The following MMP16 variants were observed in gnomAD, a reference collection of about 807,000 sequenced individuals.
The protein encoded by MMP16 is matrix metalloproteinase-16.
MMP16 carries 12 observed loss-of-function variants against 67.8 expected under a neutral mutation model. That is an observed-to-expected ratio of 0.18 (90% CI 0.11 to 0.29). MMP16 has a LOEUF of 0.29. Among genes scored for constraint, MMP16 ranks in the 10% least tolerant of loss-of-function variants. The pLI is 1.00. For missense variants in MMP16, 475 were observed against 765.7 expected (o/e 0.62, Z 4.48); for synonymous variants, 249 against 255.9 (o/e 0.97, Z 0.26).
chr8:88,179,501 CAT>C (rs1452316770), intron 3 of MMP16, among the ~76,000 whole-genome samples: 3 of 150,712 alleles, frequency 2.0e-5, no homozygotes, highest in African/African-American at 7.3e-5. Flanking sequence ...ATCAGAAATG[CAT>C]ATCTCTTTAA....
At chr8:88,060,156 G>T (rs150195724) in intron 7 of MMP16, among the ~76,000 whole-genome samples, 3 of 152,084 alleles carry the variant, frequency 2.0e-5, no homozygotes, top group African/African-American at 7.2e-5. Flanking sequence ...AACTGAATGA[G>T]ACTGTTCAAC....
At chr8:88,257,199 C>T (rs983375754) in intron 1 of MMP16, among the ~76,000 whole-genome samples, 6 of 152,134 alleles carry the variant, frequency 3.9e-5, no homozygotes, top group African/African-American at 1.4e-4. Flanking sequence ...CCTTAAGGAC[C>T]TACATCCATT....
intron 1 of MMP16, among the ~76,000 whole-genome samples, chr8:88,199,913 T>A (rs1472702582): frequency 6.6e-6 from 1 of 152,014 alleles, no homozygotes; most frequent in African/African-American, 2.4e-5. Flanking sequence ...TGTTCTCAAA[T>A]GCACATTATG....
intron 1 of MMP16, among the ~76,000 whole-genome samples, chr8:88,259,839 C>T (rs559372364): frequency 9.2e-5 from 14 of 152,280 alleles, no homozygotes; most frequent in East Asian, 3.9e-4. Flanking sequence ...CCCTGCCTCA[C>T]GCATCAATGT....
At chr8:88,228,004 A>G (rs1377956081) in intron 1 of MMP16, among the ~76,000 whole-genome samples, 2 of 152,108 alleles carry the variant, frequency 1.3e-5, no homozygotes, top group African/African-American at 4.8e-5. Context: ...AATTCCTAGA[A>G]GAAATACAAA....
At chr8:88,249,628 C>T (rs1056394957) in intron 1 of MMP16, among the ~76,000 whole-genome samples, 4 of 152,052 alleles carry the variant, frequency 2.6e-5, no homozygotes, top group African/African-American at 9.7e-5. Context: ...CTGAGAATGC[C>T]CTTCACCTGG....
At chr8:88,279,310 G>A (rs571708947) in intron 1 of MMP16, among the ~76,000 whole-genome samples, 18 of 151,300 alleles carry the variant, frequency 1.2e-4, no homozygotes, top group South Asian at 4.2e-4. Flanking sequence ...TAATATATCC[G>A]CCATATTGCA....
intron 1 of MMP16, among the ~76,000 whole-genome samples, chr8:88,259,875 T>G (rs1345155109): frequency 6.6e-6 from 1 of 152,202 alleles, no homozygotes; most frequent in African/African-American, 2.4e-5. Flanking sequence ...GAATCTGACT[T>G]GAAGATGGAT....
At chr8:88,178,877 T>A (rs916758491) in intron 3 of MMP16, among the ~76,000 whole-genome samples, 1 of 152,094 alleles carries the variant, frequency 6.6e-6, no homozygotes, top group African/African-American at 2.4e-5. Context: ...TAGGACAATA[T>A]ATTGTATCTA....
intron 1 of MMP16, among the ~76,000 whole-genome samples, chr8:88,222,683 C>CA (rs1268004962): frequency 6.6e-6 from 1 of 152,104 alleles, no homozygotes; most frequent in Non-Finnish European, 1.5e-5. Context: ...ACACCTTATA[C>CA]AAAAATTAAT....
At chr8:88,079,409 C>G (rs920363764) in intron 6 of MMP16, among the ~76,000 whole-genome samples, 3 of 152,042 alleles carry the variant, frequency 2.0e-5, no homozygotes, top group African/African-American at 4.8e-5. Flanking sequence ...TAAACTTTAT[C>G]ATAGGTTTGT....
At chr8:88,148,542 G>A (rs1050206771) in intron 4 of MMP16, among the ~76,000 whole-genome samples, 2 of 152,086 alleles carry the variant, frequency 1.3e-5, no homozygotes, top group African/African-American at 2.4e-5. Context: ...GTATTTTAAC[G>A]CGGGAGCTTC....
chr8:88,220,900 A>T (rs1220443583), intron 1 of MMP16, among the ~76,000 whole-genome samples: 2 of 152,122 alleles, frequency 1.3e-5, no homozygotes, highest in Non-Finnish European at 2.9e-5. Flanking sequence ...TCCCTCCTGA[A>T]ACCCTACTAA....
chr8:88,042,445 C>T (rs1008665152), intron 9 of MMP16, among the ~76,000 whole-genome samples: 2 of 152,138 alleles, frequency 1.3e-5, no homozygotes, highest in East Asian at 1.9e-4. Context: ...TCATAGTATT[C>T]GGTACTCTAA....
chr8:88,190,222 C>T (rs1465435094), intron 2 of MMP16, among the ~76,000 whole-genome samples: 3 of 152,142 alleles, frequency 2.0e-5, no homozygotes, highest in Non-Finnish European at 2.9e-5. Flanking sequence ...TCTATGTTAA[C>T]TTCACCAATA....
chr8:88,289,747 T>G (rs1203071929), intron 1 of MMP16, among the ~76,000 whole-genome samples: 1 of 149,060 alleles, frequency 6.7e-6, no homozygotes, highest in Non-Finnish European at 1.5e-5. Context: ...TCATATAATC[T>G]TAAATACCCA....
chr8:88,292,036 T>C (rs747397082), intron 1 of MMP16, among the ~76,000 whole-genome samples: 2 of 152,172 alleles, frequency 1.3e-5, no homozygotes, highest in Non-Finnish European at 2.9e-5. Flanking sequence ...TATTTTAAGT[T>C]AGATCAGCTT....
chr8:88,106,368 C>T (rs139376459), intron 6 of MMP16, among the ~76,000 whole-genome samples: 1 of 151,340 alleles, frequency 6.6e-6, no homozygotes, highest in East Asian at 2.0e-4. Context: ...AAAATAGCAA[C>T]ATTGTATTAC....
intron 6 of MMP16, among the ~76,000 whole-genome samples, chr8:88,093,210 G>A (rs1195430655): frequency 1.3e-5 from 2 of 151,738 alleles, no homozygotes; most frequent in Admixed American, 1.3e-4. Flanking sequence ...GGAGTATCAG[G>A]CTATCAAAAA....
Sources: gnomAD v4.1 joint callset for allele counts (sites outside exome capture counted in the v4.1 genomes callset) on GRCh38, gnomAD v4.1.1 for gene constraint, MANE v1.5 for transcripts, NCBI Gene and HGNC (gene_info 2026-07-23, HGNC 2026-07-21) for gene names.